Variants in PDE1A observed in about 807,000 individuals in gnomAD.
PDE1A encodes dual specificity calcium/calmodulin-dependent 3',5'-cyclic nucleotide phosphodiesterase 1A.
PDE1A carries 35 observed loss-of-function variants against 61.7 expected under a neutral mutation model. The ratio of observed to expected loss-of-function variants is 0.57; its 90% CI spans 0.43 to 0.75. The LOEUF is 0.75. PDE1A is among the 30% of genes least tolerant of loss of function. PDE1A has a pLI of 0.00. For missense variants in PDE1A, 597 were observed against 630.6 expected (o/e 0.95, Z 0.57); for synonymous variants, 232 against 213.2 (o/e 1.09, Z -0.77).
At chr2:182,293,162 CTGTAAGAATTATTTA>C (rs1032122053) in intron 1 of PDE1A, among the ~76,000 whole-genome samples, 3 of 152,016 alleles carry the variant, frequency 2.0e-5, no homozygotes, top group African/African-American at 7.2e-5. Flanking sequence ...CAGTTACCCT[CTGTAAGAATTATTTA>C]AGAATTACAA....
the PDE1A span, among the ~76,000 whole-genome samples, chr2:182,579,298 G>C: frequency 1.3e-5 from 2 of 152,192 alleles, no homozygotes; most frequent in East Asian, 3.9e-4. Context: ...TTGCTACGTA[G>C]CATCTGACTC....
chr2:182,469,205 T>G (rs1686869304), intron 2 of PDE1A, among the ~76,000 whole-genome samples: 1 of 152,000 alleles, frequency 6.6e-6, no homozygotes, highest in Admixed American at 6.6e-5. Flanking sequence ...AGATGGCATC[T>G]TCTTCCAATA....
the PDE1A span, among the ~76,000 whole-genome samples, chr2:182,640,128 T>C: frequency 6.6e-6 from 1 of 152,228 alleles, no homozygotes; most frequent in East Asian, 1.9e-4. Flanking sequence ...AACCAAAGCA[T>C]GGGCTAAGAA....
chr2:182,357,519 A>G (rs1400275170), intron 1 of PDE1A, among the ~76,000 whole-genome samples: 2 of 152,182 alleles, frequency 1.3e-5, no homozygotes, highest in Admixed American at 1.3e-4. Flanking sequence ...ATATTCCAAG[A>G]CTGAGCTGTA....
chr2:182,324,722 T>A (rs913874972), intron 1 of PDE1A, among the ~76,000 whole-genome samples: 1 of 152,188 alleles, frequency 6.6e-6, no homozygotes, highest in Admixed American at 6.5e-5. Context: ...TCTTGGAACT[T>A]GTTCTTTTTT....
At position 182,270,957 on chromosome 2, in the gene PDE1A, C is replaced by T. The variant is rs6720739; in HGVS notation, c.54-6543G>A. 2.1e-3 allele frequency among the ~76,000 whole-genome samples: 312 copies of T among 151,788 alleles called. 1 individual carries two copies. The highest frequency in any genetic ancestry group is 7.2e-3 in the African/African-American group (298 of 41,474). ...TAATCTAAAATGCAGGGTTTATGGA[C>T]GTAAAGACTTTTCCAGTATTTTTTT... On this transcript the variant is annotated intron_variant, in intron 1 of 13. Transcript: ENST00000351439.
chr2:182,408,256 T>TA (rs1166521997), intron 1 of PDE1A, among the ~76,000 whole-genome samples: 1 of 151,434 alleles, frequency 6.6e-6, no homozygotes, highest in African/African-American at 2.4e-5. Context: ...TACTCCAAGC[T>TA]ATTTGGAAAT....
At chr2:182,702,889 A>G in the PDE1A span, among the ~76,000 whole-genome samples, 3 of 152,248 alleles carry the variant, frequency 2.0e-5, no homozygotes, top group African/African-American at 7.2e-5. Flanking sequence ...GTTAAAATAT[A>G]TCAGTTTGGA....
At chr2:182,636,122 A>AT in the PDE1A span, among the ~76,000 whole-genome samples, 94 of 149,928 alleles carry the variant, frequency 6.3e-4, no homozygotes, top group Admixed American at 1.5e-3. Flanking sequence ...TGCCCGGCTA[A>AT]TTTTTTTTTG....
At chr2:182,535,330 CAG>C in the PDE1A span, among the ~76,000 whole-genome samples, 1 of 108,576 alleles carries the variant, frequency 9.2e-6, no homozygotes, top group Non-Finnish European at 2.1e-5. Context: ...TAGTACAAGA[CAG>C]AGTCAGGATT....
At chr2:182,603,246 T>C in the PDE1A span, among the ~76,000 whole-genome samples, 3 of 152,160 alleles carry the variant, frequency 2.0e-5, no homozygotes, top group African/African-American at 7.2e-5. Flanking sequence ...ATATCATCAG[T>C]TTTGCTGATA....
chr2:182,279,239 G>C (rs979374853), intron 1 of PDE1A, among the ~76,000 whole-genome samples: 6 of 151,866 alleles, frequency 4.0e-5, no homozygotes, highest in African/African-American at 2.4e-5. Context: ...TGTAGTAGGA[G>C]AAAATATGCC....
At chr2:182,144,119 A>G (rs1690370171), downstream of PDE1A, among the ~76,000 whole-genome samples, 1 of 152,210 alleles carries the variant, frequency 6.6e-6, no homozygotes, top group African/African-American at 2.4e-5. Flanking sequence ...AGGCAAGTCT[A>G]CTGACTAAAT....
At chr2:182,321,451 C>G (rs750697038) in intron 1 of PDE1A, among the ~76,000 whole-genome samples, 6 of 151,746 alleles carry the variant, frequency 4.0e-5, no homozygotes, top group Non-Finnish European at 7.4e-5. Flanking sequence ...AAAATCTTTG[C>G]TTTTTTTTGG....
chr2:182,567,798 CTTTTTTT>C, the PDE1A span, among the ~76,000 whole-genome samples: 1 of 126,642 alleles, frequency 7.9e-6, no homozygotes, highest in Non-Finnish European at 1.7e-5. Context: ...TTTCTTTTTT[CTTTTTTT>C]TTTTTGAGAT....
rs16822812 is a variant in PDE1A, at chr2:182,185,295, C to T, written c.1516+597G>A. Among the ~76,000 whole-genome samples the T allele has an allele frequency of 8.7e-3, 1,317 of 152,152 alleles. 10 individuals are homozygous for T. Among genetic ancestry groups the T allele is most frequent in the Non-Finnish European group, 0.011 (750 of 68,006 alleles). ...CTGGATATGAAAGCTAATTCCTGCA[C>T]GAAAGATAATAACTGTTTGAATACT... is the stretch of plus-strand genomic sequence containing the variant. On this transcript the variant is annotated intron_variant, in intron 13 of 13. Coordinates refer to ENST00000351439, the Ensembl canonical transcript of PDE1A.
the PDE1A span, among the ~76,000 whole-genome samples, chr2:182,589,274 AGG>A: frequency 4.2e-5 from 2 of 47,940 alleles, no homozygotes; most frequent in African/African-American, 1.1e-4. Flanking sequence ...GGAGGGAGGA[AGG>A]AAGGAAGGAA....
intron 1 of PDE1A, among the ~76,000 whole-genome samples, chr2:182,297,631 G>T (rs1176911141): frequency 1.3e-5 from 2 of 152,160 alleles, no homozygotes; most frequent in African/African-American, 4.8e-5. Context: ...GATGCTATCA[G>T]TGCCTTGCCC....
intron 3 of PDE1A, among the ~76,000 whole-genome samples, chr2:182,238,266 C>CAAAAAAAAAA (rs3063250): frequency 3.7e-4 from 36 of 98,032 alleles, no homozygotes; most frequent in African/African-American, 1.1e-3. Context: ...CAGACTACGT[C>CAAAAAAAAAA]AAAAAAAAAA....
Sources: allele counts gnomAD v4.1 joint callset (sites outside exome capture counted in the v4.1 genomes callset), GRCh38; gene constraint gnomAD v4.1.1; transcripts MANE v1.5; gene names NCBI Gene and HGNC (gene_info 2026-07-23, HGNC 2026-07-21).